The following INTS1 variants were observed in gnomAD, a reference collection of about 807,000 sequenced individuals.
INTS1 encodes the protein integrator complex subunit 1.
INTS1 carries 137 observed loss-of-function variants against 241.6 expected under a neutral mutation model. The observed-to-expected ratio is 0.57, with a 90% CI of 0.49 to 0.65. The LOEUF (loss-of-function observed/expected upper bound fraction) is 0.65, where lower values mean the gene tolerates loss of function less well. Ranked by LOEUF, INTS1 falls within the 30% of genes least tolerant of loss-of-function variation. The pLI, the probability that INTS1 is intolerant of heterozygous loss-of-function variation, is 0.00. For synonymous variants in INTS1, 1,692 were observed against 1,337.8 expected (o/e 1.26, Z -5.78); for missense variants, 3,073 against 3,032.2 (o/e 1.01, Z -0.32).
chr7:1,496,729 G>T (rs981151991), intron 11 of INTS1, among the ~76,000 whole-genome samples: 10 of 152,174 alleles, frequency 6.6e-5, no homozygotes, highest in Non-Finnish European at 5.9e-5. Context: ...CAGGCTGGCT[G>T]CGAGTTGGCT....
chr7:1,489,729 G>A (rs529890165), intron 16 of INTS1, 47 bp from the exon 17 acceptor site: 2 of 1,365,030 alleles, frequency 1.5e-6, no homozygotes, highest in Admixed American at 2.6e-5. Flanking sequence ...ACCAAGCTCA[G>A]CGCCAAGGAT....
At chr7:1,486,824 T>C (rs1287538490) in intron 21 of INTS1, 50 bp from the exon 22 acceptor site, 1 of 1,599,700 alleles carries the variant, frequency 6.3e-7, no homozygotes. Flanking sequence ...GCCAGGCGGG[T>C]AGGACGTGGG....
rs113255833 is a variant in INTS1 at position 1,492,294 on chromosome 7, G to C, written c.2165+716C>G. ...GACTTTGATACTGCCTCATGCTACA[G>C]CACAGGTGACCCCGGAAAGAGCATG... is the stretch of plus-strand genomic sequence containing the variant. On this transcript the variant is annotated intron_variant, in intron 16 of 47. Coordinates refer to ENST00000404767, the MANE Select transcript of INTS1 (RefSeq NM_001080453.3). Among the ~76,000 whole-genome samples the C allele has an allele frequency of 2.6e-4, 39 of 152,312 alleles. 1 individual carries two copies. The highest frequency in any genetic ancestry group is 8.9e-4 in the African/African-American group (37 of 41,566).
chr7:1,493,743 A>G lies in INTS1; in HGVS notation c.2068+11T>C, dbSNP rs1782706590. The stretch of plus-strand genomic sequence containing the variant: ...ACCCAGCACAGGCGCCATCCCCTGC[A>G]GAAGCCATACCATCCGCCTGCACGG... On this transcript the variant is annotated intron_variant, in intron 15 of 47. Transcript: ENST00000404767. This position sits in a 1 kb window ranked among gnomAD's most constrained non-coding sequence, Gnocchi z 5.3. The G allele has an allele frequency of 1.3e-6, 2 of 1,570,026 alleles. No homozygotes were observed. The highest frequency in any genetic ancestry group is 1.4e-5 in the African/African-American group (1 of 73,796).
chr7:1,485,785 G>C (rs907327026), intron 22 of INTS1, among the ~76,000 whole-genome samples: 1 of 152,214 alleles, frequency 6.6e-6, no homozygotes, highest in African/African-American at 2.4e-5. Context: ...AATACAGTCA[G>C]AGTGCACTGA....
intron 39 of INTS1, among the ~76,000 whole-genome samples, chr7:1,475,093 A>C (rs985239461): frequency 6.6e-6 from 1 of 152,204 alleles, no homozygotes; most frequent in Non-Finnish European, 1.5e-5. Context: ...CCAAAACTAC[A>C]CATCGGCCAA....
chr7:1,489,744 C>T (rs1782458535), intron 16 of INTS1, 62 bp from the exon 17 acceptor site: 8 of 1,268,030 alleles, frequency 6.3e-6, no homozygotes, highest in African/African-American at 3.0e-5. Context: ...AAGGATCGGC[C>T]GGGCCAGGTG....
intron 43 of INTS1, among the ~76,000 whole-genome samples, chr7:1,472,828 T>A (rs569284452): frequency 5.2e-4 from 19 of 36,286 alleles, no homozygotes; most frequent in Non-Finnish European, 8.7e-4. Context: ...GACGGGGGGG[T>A]GGGGAGGGCC....
At position 1,475,992 on chromosome 7, in the gene INTS1, C is replaced by T; in HGVS notation, c.5458G>A (p.Val1820Ile). ...GCAGCCCCTTCGCTGTGCAGTAGGA[C>T]CTCAGGCACGGGCACCCGCAGCTCC... is the stretch of plus-strand genomic sequence containing the variant. ...RPELRVPVPE[V>I]LLHSEGAASS... The change falls in exon 39 of 48, where the codon GTC (valine) becomes ATC (isoleucine). Residue 1820 changes from valine (V) to isoleucine (I), a missense_variant. By Grantham distance (29) the Val-to-Ile change is conservative (BLOSUM62 3). Transcript: ENST00000404767. The T allele has an allele frequency of 6.5e-7, 1 of 1,545,562 alleles. No homozygotes were observed. Among genetic ancestry groups the T allele is most frequent in the Non-Finnish European group, 8.7e-7 (1 of 1,146,738 alleles).
At position 1,481,469 on chromosome 7, in the gene INTS1, C is replaced by T. The variant is rs761184520; in HGVS notation, c.3723G>A (p.Pro1241=). Residue 1241 remains proline, a synonymous_variant, in exon 28 of 48, where the codon CCG becomes CCA. Coordinates refer to ENST00000404767, the MANE Select transcript of INTS1 (RefSeq NM_001080453.3). The surrounding 1 kb of genome is among the most constrained non-coding windows in gnomAD (Gnocchi z 6.8). ...LVDAALQDLE[P]QQLLLFVQSF... The stretch of plus-strand genomic sequence containing the variant: ...ACTGCACGAACAGCAGCAGCTGCTG[C>T]GGCTCCAGGTCCTGCAGGGCTGAGG... 2.3e-5 allele frequency: 37 copies of T among 1,609,860 alleles called. No homozygotes were observed. The highest frequency in any genetic ancestry group is 2.7e-5 in the African/African-American group (2 of 74,888).
chr7:1,489,645 A>G lies in INTS1; in HGVS notation c.2203T>C (p.Trp735Arg). 6.3e-7 allele frequency: 1 copy of G among 1,586,862 alleles called. No individual in the cohort carries two copies. The highest frequency in any genetic ancestry group is 8.6e-7 in the Non-Finnish European group (1 of 1,165,688). The change falls in exon 17 of 48, where the codon TGG becomes CGG. Residue 735 changes from tryptophan (W) to arginine (R), a missense_variant. Trp to Arg is a moderately radical substitution (Grantham distance 101). Coordinates refer to ENST00000404767, the MANE Select transcript of INTS1 (RefSeq NM_001080453.3). The stretch of plus-strand genomic sequence containing the variant: ...ACCAGCAGGAGGGGCCAGGCCTTCC[A>G]GTAGAGGGTAGAGATGGCGAGGTTC... ...PPNLAISTLYWKAWPLLLVVA... is the reference protein window; with the variant it reads ...PPNLAISTLYRKAWPLLLVVA...
chr7:1,488,442 C>T (rs539083743), intron 18 of INTS1, among the ~76,000 whole-genome samples: 1 of 152,294 alleles, frequency 6.6e-6, no homozygotes, highest in African/African-American at 2.4e-5. Context: ...CCCAAGGCCC[C>T]AAAGTCAGTC....
rs370838223 is a variant in INTS1, at chr7:1,487,880, G to A, written c.2396C>T (p.Ala799Val). The A allele has an allele frequency of 1.9e-6, 3 of 1,613,468 alleles. No homozygotes were observed. Among genetic ancestry groups the A allele is most frequent in the South Asian group, 1.1e-5 (1 of 91,090 alleles). Residue 799 changes from alanine to valine, a missense_variant, in exon 19 of 48, where the codon GCC (alanine) becomes GTC (valine). Coordinates refer to ENST00000404767, the MANE Select transcript of INTS1 (RefSeq NM_001080453.3). ...TEMLNRELQTAQREKQEILAF... is the reference protein window; with the variant it reads ...TEMLNRELQTVQREKQEILAF... ...CAGGATCTCCTGCTTCTCCCGCTGGGCGGTCTGCAGCTCACGGTTCAGCAT... is the reference window on the plus strand; with the variant it reads ...CAGGATCTCCTGCTTCTCCCGCTGGACGGTCTGCAGCTCACGGTTCAGCAT...
rs749316844 is a variant in INTS1, at chr7:1,500,333, G to A, written c.383C>T (p.Ala128Val). The change falls in exon 4 of 48, where the codon GCG becomes GTG. Residue 128 changes from alanine (A) to valine (V), a missense_variant. By Grantham distance (64) the Ala-to-Val change is moderately conservative (BLOSUM62 0). Transcript: ENST00000404767. ...GTCATCGTTGCCCTCCAGCTCGGCCGCCTCGATCTCATCCAGCAGCACCGT... is the reference window on the plus strand; with the variant it reads ...GTCATCGTTGCCCTCCAGCTCGGCCACCTCGATCTCATCCAGCAGCACCGT... ...LPTVLLDEIE[A>V]AELEGNDDRI... 2.5e-6 allele frequency: 4 copies of A among 1,585,942 alleles called. No homozygotes were observed. The highest frequency in any genetic ancestry group is 1.3e-5 in the African/African-American group (1 of 74,518).
intron 22 of INTS1, among the ~76,000 whole-genome samples, 174 bp downstream of exon 22, chr7:1,486,451 G>A (rs933451568): frequency 6.6e-6 from 1 of 151,614 alleles, no homozygotes; most frequent in African/African-American, 2.4e-5. Flanking sequence ...TTTTAATAGA[G>A]ACGGGATTTC....
Position 1,497,378 on chromosome 7 carries a change from C to G in INTS1, c.1426-64G>C. The stretch of plus-strand genomic sequence containing the variant: ...GTGCTGTCCCTGTCACAGGCCCCTT[C>G]CCGCAGCACCAACAGGTATGGCGCC... On this transcript the variant is annotated intron_variant, in intron 10 of 47. Coordinates refer to ENST00000404767, the MANE Select transcript of INTS1 (RefSeq NM_001080453.3). This position sits in a 1 kb window ranked among gnomAD's most constrained non-coding sequence, Gnocchi z 5.3. 6.6e-7 allele frequency: 1 copy of G among 1,524,480 alleles called. No individual in the cohort carries two copies. The highest frequency in any genetic ancestry group is 8.8e-7 in the Non-Finnish European group (1 of 1,130,818). The allele number at this position is 1,524,480 out of a possible 1,614,324, so 94.4% of individuals were successfully genotyped here. A position where few individuals can be genotyped will look rare whatever the true frequency, so the allele number is the denominator to read the frequency against.
rs1026261928 is a variant in INTS1, at chr7:1,496,145, C to T, written c.1711+11G>A. On this transcript the variant is annotated intron_variant, in intron 12 of 47. Coordinates refer to ENST00000404767, the MANE Select transcript of INTS1 (RefSeq NM_001080453.3). ...CCACCAAGCAGGGCCAGGCCACCCC[C>T]ACATCCTTACTCCTCTTTTCTCCTT... 2.5e-6 allele frequency: 4 copies of T among 1,610,386 alleles called. No homozygotes were observed. Among genetic ancestry groups the T allele is most frequent in the Non-Finnish European group, 3.4e-6 (4 of 1,176,752 alleles).
rs1781417120 is a variant in INTS1, at chr7:1,470,675, G to T, written c.6475C>A (p.Leu2159Ile). 2 of 1,570,440 alleles carry T rather than the reference G, an allele frequency of 1.3e-6. No individual in the cohort carries two copies. Among genetic ancestry groups the T allele is most frequent in the Non-Finnish European group, 1.7e-6 (2 of 1,158,844 alleles). Residue 2159 changes from leucine to isoleucine, a missense_variant, in exon 48 of 48, where the codon CTC becomes ATC. Physicochemically the swap from Leu to Ile is conservative, Grantham distance 5 (BLOSUM62 2). Coordinates refer to ENST00000404767, the MANE Select transcript of INTS1 (RefSeq NM_001080453.3). ...LLCQEHAAVL[L>I]HRAFLVGMYG... ...ATGCCCACCAGGAAGGCCCGGTGGA[G>T]CAGCACAGCCGCGTGCTCTGTGGGG... is the stretch of plus-strand genomic sequence containing the variant.
At chr7:1,482,795 T>A in intron 26 of INTS1, 88 bp from the exon 27 acceptor site, 1 of 1,484,832 alleles carries the variant, frequency 6.7e-7, no homozygotes, top group Non-Finnish European at 9.1e-7. Flanking sequence ...AGGCACCTCC[T>A]CTCCCGAGAA....
Sources: gnomAD v4.1 joint callset for allele counts (sites outside exome capture counted in the v4.1 genomes callset) on GRCh38, gnomAD v4.1.1 for gene constraint, Gnocchi (gnomAD v3.1) non-coding constraint, MANE v1.5 for transcripts, NCBI Gene and HGNC (gene_info 2026-07-23, HGNC 2026-07-21) for gene names.